Variants in NCALD observed in about 807,000 individuals in gnomAD.
NCALD encodes neurocalcin-delta.
In NCALD, 10 loss-of-function variants were observed where a neutral mutation model predicts 18.6. The ratio of observed to expected loss-of-function variants is 0.54; its 90% CI spans 0.33 to 0.91. The LOEUF is 0.91. Ranked by LOEUF, NCALD falls within the 40% of genes least tolerant of loss-of-function variation. The pLI, the probability that NCALD is intolerant of heterozygous loss-of-function variation, is 0.03. For missense variants in NCALD, 184 were observed against 247.6 expected (o/e 0.74, Z 1.72); for synonymous variants, 88 against 87.4 (o/e 1.01, Z -0.04).
intron 4 of NCALD, among the ~76,000 whole-genome samples, chr8:101,825,541 G>T (rs1813899813): frequency 6.6e-6 from 1 of 152,216 alleles, no homozygotes; most frequent in East Asian, 1.9e-4. Flanking sequence ...AGAGCAAAGG[G>T]TCATTAGGAA....
intron 2 of NCALD, among the ~76,000 whole-genome samples, chr8:101,941,746 T>TA (rs1818965415): frequency 1.3e-5 from 2 of 152,156 alleles, no homozygotes; most frequent in Admixed American, 1.3e-4. Context: ...GGGTATTAAC[T>TA]AAAAGCACCA....
At chr8:102,000,447 C>T (rs1821410250) in intron 2 of NCALD, among the ~76,000 whole-genome samples, 1 of 152,232 alleles carries the variant, frequency 6.6e-6, no homozygotes, top group African/African-American at 2.4e-5. Flanking sequence ...GACTCCACTT[C>T]TGGGGGTGGG....
chr8:101,775,907 T>C (rs537495819), intron 1 of NCALD, among the ~76,000 whole-genome samples: 3 of 152,200 alleles, frequency 2.0e-5, no homozygotes, highest in Non-Finnish European at 4.4e-5. Context: ...TCCTGAGTCA[T>C]ACAACTGAGA....
intron 4 of NCALD, among the ~76,000 whole-genome samples, chr8:101,833,117 G>A (rs1481217715): frequency 6.6e-6 from 1 of 152,116 alleles, no homozygotes; most frequent in Admixed American, 6.5e-5. Context: ...TCCCCTTCTG[G>A]AAACTTGCCT....
intron 1 of NCALD, among the ~76,000 whole-genome samples, chr8:102,119,613 A>G (rs1825886144): frequency 6.6e-6 from 1 of 152,222 alleles, no homozygotes; most frequent in South Asian, 2.1e-4. Flanking sequence ...GGTTGTATTC[A>G]AGAAATATTT....
At chr8:101,722,397 C>A (rs981303593) in intron 1 of NCALD, among the ~76,000 whole-genome samples, 1 of 152,034 alleles carries the variant, frequency 6.6e-6, no homozygotes, top group Non-Finnish European at 1.5e-5. Flanking sequence ...TACATAATAC[C>A]CGGCTTTCTA....
chr8:101,859,358 G>T (rs372357686), intron 4 of NCALD, among the ~76,000 whole-genome samples: 1 of 152,240 alleles, frequency 6.6e-6, no homozygotes, highest in East Asian at 1.9e-4. Context: ...GACTGGTTTC[G>T]TTGCTCCTCG....
At chr8:101,710,172 G>A (rs1815717735) in intron 2 of NCALD, among the ~76,000 whole-genome samples, 1 of 152,172 alleles carries the variant, frequency 6.6e-6, no homozygotes, top group African/African-American at 2.4e-5. Context: ...AGTGCAAGGG[G>A]TTGGGGAACT....
At chr8:102,015,280 C>T (rs1178561665) in intron 2 of NCALD, among the ~76,000 whole-genome samples, 1 of 152,082 alleles carries the variant, frequency 6.6e-6, no homozygotes, top group Non-Finnish European at 1.5e-5. Context: ...CTTCCTCTCC[C>T]CCTTACCCCA....
intron 1 of NCALD, among the ~76,000 whole-genome samples, chr8:102,048,538 A>G (rs1267941089): frequency 6.6e-6 from 1 of 152,190 alleles, no homozygotes; most frequent in Non-Finnish European, 1.5e-5. Flanking sequence ...ACAAGAGGCC[A>G]TTTGGCTACG....
chr8:101,965,493 T>C (rs1310290286), intron 2 of NCALD, among the ~76,000 whole-genome samples: 1 of 152,160 alleles, frequency 6.6e-6, no homozygotes, highest in Non-Finnish European at 1.5e-5. Flanking sequence ...AAACCATCAT[T>C]CTCAGCAAAC....
intron 2 of NCALD, among the ~76,000 whole-genome samples, chr8:101,997,641 T>C (rs1471395979): frequency 6.6e-6 from 1 of 152,218 alleles, no homozygotes; most frequent in Non-Finnish European, 1.5e-5. Context: ...AAAAACTCCC[T>C]GCTAAAGAAA....
chr8:101,854,013 C>T (rs940953806), intron 4 of NCALD, among the ~76,000 whole-genome samples: 3 of 152,296 alleles, frequency 2.0e-5, no homozygotes, highest in East Asian at 3.9e-4. Flanking sequence ...ACTGCTGCTC[C>T]GAGGACTCTA....
At chr8:102,095,779 C>T (rs1306932259) in intron 1 of NCALD, among the ~76,000 whole-genome samples, 2 of 152,012 alleles carry the variant, frequency 1.3e-5, no homozygotes, top group Non-Finnish European at 2.9e-5. Flanking sequence ...GTGGAAGCAC[C>T]CATTTCAAAA....
At chr8:102,097,748 T>C (rs1280320807) in intron 1 of NCALD, among the ~76,000 whole-genome samples, 1 of 152,256 alleles carries the variant, frequency 6.6e-6, no homozygotes, top group African/African-American at 2.4e-5. Flanking sequence ...TGCTCTCTGC[T>C]CTGACAGCAT....
chr8:101,739,691 G>T (rs1299061918), intron 1 of NCALD, among the ~76,000 whole-genome samples: 1 of 152,160 alleles, frequency 6.6e-6, no homozygotes, highest in Non-Finnish European at 1.5e-5. Context: ...TGGACTCTTG[G>T]ACTTACACCA....
At chr8:102,055,245 T>A (rs1823609025) in intron 1 of NCALD, among the ~76,000 whole-genome samples, 1 of 139,032 alleles carries the variant, frequency 7.2e-6, no homozygotes, top group Non-Finnish European at 1.6e-5. Context: ...GTCACATTCA[T>A]GATATGAAAA....
chr8:101,871,561 A>C (rs1816019181), intron 4 of NCALD, among the ~76,000 whole-genome samples: 1 of 148,726 alleles, frequency 6.7e-6, no homozygotes, highest in Non-Finnish European at 1.5e-5. Context: ...GAGATATTTT[A>C]ATCCTCTGGA....
intron 2 of NCALD, among the ~76,000 whole-genome samples, chr8:101,702,383 G>C (rs907864051): frequency 1.3e-5 from 2 of 151,940 alleles, no homozygotes; most frequent in African/African-American, 4.8e-5. Flanking sequence ...CCACAGGCAT[G>C]TGCCACCACA....
Sources: allele counts gnomAD v4.1 joint callset (sites outside exome capture counted in the v4.1 genomes callset), GRCh38; gene constraint gnomAD v4.1.1; transcripts MANE v1.5; gene names NCBI Gene and HGNC (gene_info 2026-07-23, HGNC 2026-07-21).